Variants in CPA6 observed in about 807,000 individuals in gnomAD.
CPA6 encodes carboxypeptidase B.
A neutral mutation model predicts 63.3 loss-of-function variants in CPA6; 58 were observed. The ratio of observed to expected loss-of-function variants is 0.92; its 90% CI spans 0.74 to 1.14. CPA6 has a LOEUF of 1.14. Among genes scored for constraint, CPA6 ranks in the 50% most tolerant of loss-of-function variants. The pLI, the probability that CPA6 is intolerant of heterozygous loss-of-function variation, is 0.00. For synonymous variants in CPA6, 185 were observed against 179.0 expected (o/e 1.03, Z -0.27); for missense variants, 565 against 526.6 (o/e 1.07, Z -0.71).
intron 2 of CPA6, among the ~76,000 whole-genome samples, chr8:67,557,740 G>C (rs769385996): frequency 6.6e-6 from 1 of 152,112 alleles, no homozygotes; most frequent in Non-Finnish European, 1.5e-5. Context: ...AATAATCCTA[G>C]CCTATTGCCT....
intron 1 of CPA6, among the ~76,000 whole-genome samples, chr8:67,627,355 T>C (rs1349616625): frequency 6.6e-6 from 1 of 152,216 alleles, no homozygotes; most frequent in Admixed American, 6.5e-5. Context: ...TCAGGTAGTC[T>C]ACTGGAACTT....
intron 2 of CPA6, 37 bp from the exon 3 acceptor site, chr8:67,518,084 C>T (rs758982794): frequency 2.0e-6 from 3 of 1,492,174 alleles, no homozygotes; most frequent in African/African-American, 1.4e-5. Context: ...TCATATCCAA[C>T]GTAGGGGGGG....
At chr8:67,614,299 C>T (rs1814886578) in intron 2 of CPA6, among the ~76,000 whole-genome samples, 1 of 152,200 alleles carries the variant, frequency 6.6e-6, no homozygotes, top group South Asian at 2.1e-4. Context: ...TGAGACACAC[C>T]ACTGTCACAT....
intron 8 of CPA6, among the ~76,000 whole-genome samples, chr8:67,435,197 C>A (rs1810122554): frequency 6.6e-6 from 1 of 152,178 alleles, no homozygotes; most frequent in African/African-American, 2.4e-5. Flanking sequence ...GTTGGTTGGA[C>A]CTGTCACATG....
intron 2 of CPA6, among the ~76,000 whole-genome samples, chr8:67,535,783 G>A (rs972293110): frequency 5.3e-5 from 8 of 152,148 alleles, no homozygotes; most frequent in African/African-American, 1.7e-4. Flanking sequence ...ATTTGCCCAC[G>A]CCTATGTCCT....
intron 1 of CPA6, among the ~76,000 whole-genome samples, chr8:67,706,500 TGGATTTTTTTTTTGGTCTAGAGGGTTAAA>T (rs1817138521): frequency 6.6e-6 from 1 of 152,090 alleles, no homozygotes; most frequent in Admixed American, 6.6e-5. Context: ...AATGGGAATG[TGGATTTTTTTTTTGGTCTAGAGGGTTAAA>T]GGATCATTTT....
chr8:67,468,149 A>G (rs1399080126), intron 8 of CPA6, among the ~76,000 whole-genome samples: 2 of 152,206 alleles, frequency 1.3e-5, no homozygotes, highest in African/African-American at 2.4e-5. Context: ...TACCCCTAAC[A>G]GGCAATGCCA....
intron 1 of CPA6, among the ~76,000 whole-genome samples, chr8:67,741,651 C>T (rs112910820): frequency 0.011 from 1,739 of 152,198 alleles, 33 homozygotes; most frequent in African/African-American, 0.039. Flanking sequence ...ACTACCCATG[C>T]GAGGGATCTA....
chr8:67,692,228 C>T (rs563723089), intron 1 of CPA6, among the ~76,000 whole-genome samples: 21 of 150,012 alleles, frequency 1.4e-4, no homozygotes, highest in African/African-American at 9.8e-5. Context: ...CCCAGCTACT[C>T]GGGTGGCTGA....
chr8:67,485,953 A>G (rs1408974496), intron 6 of CPA6, among the ~76,000 whole-genome samples: 1 of 152,118 alleles, frequency 6.6e-6, no homozygotes, highest in Non-Finnish European at 1.5e-5. Flanking sequence ...GTGTCTCCCC[A>G]TGTTTTTTGA....
At chr8:67,677,022 G>T (rs1282632326) in intron 1 of CPA6, among the ~76,000 whole-genome samples, 1 of 152,090 alleles carries the variant, frequency 6.6e-6, no homozygotes, top group South Asian at 2.1e-4. Context: ...ATGCTAGCAG[G>T]ACTACTGCCC....
chr8:67,498,610 G>A (rs979680648), intron 6 of CPA6, among the ~76,000 whole-genome samples: 10 of 148,420 alleles, frequency 6.7e-5, no homozygotes, highest in African/African-American at 2.2e-4. Flanking sequence ...TTAATTTTGT[G>A]ATGAAGGGAG....
chr8:67,653,465 G>GTTTCA lies in CPA6; in HGVS notation c.117-29215_117-29214insTGAAA, dbSNP rs1202486227. 6.0e-5 allele frequency among the ~76,000 whole-genome samples: 9 copies of GTTTCA among 150,666 alleles called. No individual in the cohort carries two copies. The East Asian group carries it at 1.6e-3, about 26-fold the overall frequency. ...CTTGAAGAGGTCCTTCACATCCCTT[G>GTTTCA]TAAGTTGGATTCCTAGGTATTTTAT... is the stretch of plus-strand genomic sequence containing the variant. On this transcript the variant is annotated intron_variant, in intron 1 of 10. Transcript: ENST00000297770.
At chr8:67,665,879 T>C (rs1473391371) in intron 1 of CPA6, among the ~76,000 whole-genome samples, 1 of 152,222 alleles carries the variant, frequency 6.6e-6, no homozygotes, top group Non-Finnish European at 1.5e-5. Context: ...TGGGTTGTGG[T>C]GCAGATTAGA....
chr8:67,476,514 T>G (rs1228181249), intron 8 of CPA6, among the ~76,000 whole-genome samples: 1 of 151,904 alleles, frequency 6.6e-6, no homozygotes, highest in Non-Finnish European at 1.5e-5. Flanking sequence ...CTTCCGCTAC[T>G]TCCTTCTTAC....
intron 1 of CPA6, among the ~76,000 whole-genome samples, chr8:67,638,038 AT>A (rs1815511063): frequency 6.7e-6 from 1 of 150,358 alleles, no homozygotes; most frequent in South Asian, 2.1e-4. Flanking sequence ...TGTATGTGGT[AT>A]ATCACTTAAT....
chr8:67,535,206 C>T (rs553616575), intron 2 of CPA6, among the ~76,000 whole-genome samples: 2 of 152,238 alleles, frequency 1.3e-5, no homozygotes, highest in South Asian at 2.1e-4. Flanking sequence ...ATTTATAATC[C>T]TTTGGGTATA....
At chr8:67,472,519 G>C (rs1240831400) in intron 8 of CPA6, among the ~76,000 whole-genome samples, 4 of 151,810 alleles carry the variant, frequency 2.6e-5, no homozygotes, top group African/African-American at 9.7e-5. Flanking sequence ...CCGCCTCCTG[G>C]GCTCAAGCAA....
At chr8:67,514,672 AG>A (rs1812107039) in intron 3 of CPA6, among the ~76,000 whole-genome samples, 1 of 152,234 alleles carries the variant, frequency 6.6e-6, no homozygotes, top group Non-Finnish European at 1.5e-5. Flanking sequence ...ATTCTATATC[AG>A]TTCCACATGA....
Sources: allele counts gnomAD v4.1 joint callset (sites outside exome capture counted in the v4.1 genomes callset), GRCh38; gene constraint gnomAD v4.1.1; transcripts MANE v1.5; gene names NCBI Gene and HGNC (gene_info 2026-07-23, HGNC 2026-07-21).